SBK1: variants seen among roughly 807,000 people sequenced by gnomAD.
SBK1 encodes serine/threonine-protein kinase SBK1.
Under a neutral mutation model 24.4 loss-of-function variants are expected in SBK1, and 11 were observed. The observed-to-expected ratio is 0.45, with a 90% CI of 0.28 to 0.75. The LOEUF (loss-of-function observed/expected upper bound fraction) is 0.75, where lower values mean the gene tolerates loss of function less well. SBK1 is among the 30% of genes least tolerant of loss of function. The probability of loss-of-function intolerance (pLI) is 0.12; values close to 1 mark genes in which losing one functional copy is unlikely to be tolerated. For missense variants in SBK1, 467 were observed against 620.5 expected (o/e 0.75, Z 2.63); for synonymous variants, 308 against 284.4 (o/e 1.08, Z -0.83).
upstream of SBK1, among the ~76,000 whole-genome samples, chr16:28,288,245 C>T (rs79992055): frequency 6.6e-3 from 1,011 of 152,296 alleles, 12 homozygotes; most frequent in African/African-American, 0.023. Flanking sequence ...CGAACAGACG[C>T]GCCTTAGTTC....
chr16:28,316,122 G>A (rs931597105), intron 1 of SBK1, among the ~76,000 whole-genome samples: 1 of 152,116 alleles, frequency 6.6e-6, no homozygotes, highest in Non-Finnish European at 1.5e-5. Flanking sequence ...TAGTCGGGTG[G>A]TGAGGTCGTC....
chr16:28,317,448 G>T lies in SBK1; in HGVS notation c.57G>T (p.Pro19=). Residue 19 remains proline, a synonymous_variant, in exon 2 of 4, where the codon CCG becomes CCT. Coordinates refer to ENST00000341901, the MANE Select transcript of SBK1 (RefSeq NM_001024401.3). The surrounding 1 kb of genome is among the most constrained non-coding windows in gnomAD (Gnocchi z 4.2). ...CCCGCTCCCTGACCTGCTGTGGGCCGGGGACTGCCCCTGGGCCTGGTGCCG... is the reference window on the plus strand; with the variant it reads ...CCCGCTCCCTGACCTGCTGTGGGCCTGGGACTGCCCCTGGGCCTGGTGCCG... ...EPPRSLTCCG[P]GTAPGPGAGV... 1 of 1,613,974 alleles carries T rather than the reference G, an allele frequency of 6.2e-7. No homozygotes were observed. Among genetic ancestry groups the T allele is most frequent in the Non-Finnish European group, 8.5e-7 (1 of 1,179,906 alleles).
chr16:28,319,750 A>G lies in SBK1; in HGVS notation c.430-326A>G, dbSNP rs1473274529. Among the ~76,000 whole-genome samples the G allele has an allele frequency of 3.3e-5, 5 of 152,082 alleles. No homozygotes were observed. On this transcript the variant is annotated intron_variant, in intron 3 of 3. Coordinates refer to ENST00000341901, the MANE Select transcript of SBK1 (RefSeq NM_001024401.3). This position sits in a 1 kb window ranked among gnomAD's most constrained non-coding sequence, Gnocchi z 4.0. ...GTTCTAGTTGGGGAAGACCGACGAG[A>G]TAAGTATCTAGCAGGCAGGGCAAAA... is the stretch of plus-strand genomic sequence containing the variant.
At chr16:28,295,292 A>G (rs553945634) in intron 1 of SBK1, among the ~76,000 whole-genome samples, 3 of 152,064 alleles carry the variant, frequency 2.0e-5, no homozygotes, top group African/African-American at 7.2e-5. Context: ...CTGGCCCTAA[A>G]CCACCTCTCC....
At chr16:28,303,052 G>T (rs1596549766) in intron 1 of SBK1, among the ~76,000 whole-genome samples, 1 of 151,768 alleles carries the variant, frequency 6.6e-6, no homozygotes, top group Non-Finnish European at 1.5e-5. Flanking sequence ...GAGCTGTGCT[G>T]TGGATATCTA....
At position 28,320,708 on chromosome 16, in the gene SBK1, G is replaced by A. The variant is rs535424696; in HGVS notation, c.1062G>A (p.Thr354=). ...RLEAPGPLKR[T]VLTESGSGSR... is the part of the protein sequence containing the mutation. ...AGGCGCCTGGGCCGCTCAAGCGGAC[G>A]GTGCTGACCGAGAGCGGCAGCGGCT... Residue 354 remains threonine (T), a synonymous_variant, in exon 4 of 4, where the codon ACG becomes ACA. Transcript: ENST00000341901. This position sits in a 1 kb window ranked among gnomAD's most constrained non-coding sequence, Gnocchi z 8.5. 138 of 1,123,316 alleles carry A rather than the reference G, an allele frequency of 1.2e-4. 1 individual carries two copies. In the African/African-American group the frequency reaches 1.7e-3, roughly 14 times the overall value. The allele number at this position is 1,123,316 out of a possible 1,614,324, so 69.6% of individuals were successfully genotyped here. A position where few individuals can be genotyped will look rare whatever the true frequency, so the allele number is the denominator to read the frequency against.
intron 1 of SBK1, among the ~76,000 whole-genome samples, chr16:28,284,301 G>A (rs1047398741): frequency 3.9e-5 from 6 of 152,238 alleles, no homozygotes; most frequent in African/African-American, 9.6e-5. Flanking sequence ...AAATGTCTCC[G>A]ATTCCTGGGG....
chr16:28,263,709 G>T (rs757861292), intron 1 of SBK1, among the ~76,000 whole-genome samples: 1 of 152,170 alleles, frequency 6.6e-6, no homozygotes, highest in Non-Finnish European at 1.5e-5. Flanking sequence ...CATTTTAAAG[G>T]ATATTTCAGG....
At chr16:28,310,003 G>A (rs190819648) in intron 1 of SBK1, among the ~76,000 whole-genome samples, 3 of 152,336 alleles carry the variant, frequency 2.0e-5, no homozygotes, top group Non-Finnish European at 2.9e-5. Flanking sequence ...CTTGCCGACC[G>A]CCAGCAGGAA....
At chr16:28,306,575 C>T (rs993968165) in intron 1 of SBK1, among the ~76,000 whole-genome samples, 1 of 152,124 alleles carries the variant, frequency 6.6e-6, no homozygotes, top group Admixed American at 6.5e-5. Context: ...ACACAGATAA[C>T]CATGAGGCCA....
chr16:28,292,500 C>G, upstream of SBK1: 2 of 975,174 alleles, frequency 2.1e-6, no homozygotes, highest in Non-Finnish European at 2.4e-6. Context: ...CGGGCAGGTG[C>G]GCGCTGGCTG....
rs147412527 is a variant in SBK1 at position 28,314,436 on chromosome 16, C to T, written c.-7-2949C>T. On this transcript the variant is annotated intron_variant, in intron 1 of 3. Coordinates refer to ENST00000341901, the MANE Select transcript of SBK1 (RefSeq NM_001024401.3). ...CCTCCCAGATTGCTGGGATCACAGA[C>T]GTGAGCTACCTTGAGTGGCCCAACG... Among the ~76,000 whole-genome samples, 1,011 of 151,002 alleles carry T rather than the reference C, an allele frequency of 6.7e-3. 11 individuals carry two copies. Among genetic ancestry groups the T allele is most frequent in the African/African-American group, 0.024 (975 of 40,990 alleles).
intron 1 of SBK1, among the ~76,000 whole-genome samples, chr16:28,275,882 C>T (rs2044491604): frequency 6.7e-6 from 1 of 149,642 alleles, no homozygotes. Context: ...AAGACCCTGT[C>T]TCAAAAAAAA....
chr16:28,322,935 TCTCTCTC>T lies in SBK1; in HGVS notation c.*2015_*2021del, dbSNP rs2141595502. 7.1e-5 allele frequency: 1 copy of T among 14,008 alleles called. No homozygotes were observed. The highest frequency in any genetic ancestry group is 2.5e-3 in the East Asian group (1 of 398). The allele number at this position is 14,008 out of a possible 1,614,324, so 0.9% of individuals were successfully genotyped here. ...CTCGCGCGCGCTCTCTCTCTCCCTC[TCTCTCTC>T]TCTCTCTCTCTCTCTCTCTCTCTCT... On this transcript the variant is annotated 3_prime_UTR_variant, in exon 4 of 4. Transcript: ENST00000341901.
chr16:28,303,454 A>C (rs2044692971), intron 1 of SBK1, among the ~76,000 whole-genome samples: 1 of 150,952 alleles, frequency 6.6e-6, no homozygotes, highest in Admixed American at 6.6e-5. Context: ...ACAAATGAGA[A>C]ACCTGTTCTT....
At chr16:28,298,245 G>A (rs1400682942) in intron 1 of SBK1, among the ~76,000 whole-genome samples, 1 of 152,240 alleles carries the variant, frequency 6.6e-6, no homozygotes, top group Non-Finnish European at 1.5e-5. Context: ...CCTGGAGAGA[G>A]GACAGGTCCA....
At chr16:28,264,559 G>A (rs901165815) in intron 1 of SBK1, among the ~76,000 whole-genome samples, 1 of 149,424 alleles carries the variant, frequency 6.7e-6, no homozygotes, top group Non-Finnish European at 1.5e-5. Flanking sequence ...GCAATAGAGC[G>A]AGACTCCGTC....
chr16:28,299,122 GC>G (rs2141579763), intron 1 of SBK1, among the ~76,000 whole-genome samples: 1 of 152,272 alleles, frequency 6.6e-6, no homozygotes, highest in African/African-American at 2.4e-5. Flanking sequence ...GGTAAAAAAC[GC>G]AATCCCTAGA....
rs779249287 is a variant in SBK1, at chr16:28,320,064, G to A, written c.430-12G>A. 6.8e-7 allele frequency: 1 copy of A among 1,472,240 alleles called. No homozygotes were observed. Among genetic ancestry groups the A allele is most frequent in the Non-Finnish European group, 8.9e-7 (1 of 1,118,402 alleles). The allele number at this position is 1,472,240 out of a possible 1,614,324, so 91.2% of individuals were successfully genotyped here. A position where few individuals can be genotyped will look rare whatever the true frequency, so the allele number is the denominator to read the frequency against. ...AGCTGGAAACAGCGCGGCTTCCCCC[G>A]GCCGCCCGCAGGTGGGGCTCCCTGA... On this transcript the variant is annotated splice_polypyrimidine_tract_variant and intron_variant, in intron 3 of 3. Coordinates refer to ENST00000341901, the MANE Select transcript of SBK1 (RefSeq NM_001024401.3). This position sits in a 1 kb window ranked among gnomAD's most constrained non-coding sequence, Gnocchi z 8.5.
Sources: allele counts gnomAD v4.1 joint callset (sites outside exome capture counted in the v4.1 genomes callset), GRCh38; gene constraint gnomAD v4.1.1; non-coding constraint Gnocchi (gnomAD v3.1); transcripts MANE v1.5; gene names NCBI Gene and HGNC (gene_info 2026-07-23, HGNC 2026-07-21).